Variants in CAMSAP1 observed in about 807,000 individuals in gnomAD.
CAMSAP1 encodes calmodulin-regulated spectrin-associated protein 1.
In CAMSAP1, 58 loss-of-function variants were observed where a neutral mutation model predicts 143.5. The ratio of observed to expected loss-of-function variants is 0.40; its 90% CI spans 0.33 to 0.50. CAMSAP1 has a LOEUF of 0.50. Ranked by LOEUF, CAMSAP1 falls within the 20% of genes least tolerant of loss-of-function variation. The probability of loss-of-function intolerance (pLI) is 0.45; values close to 1 mark genes in which losing one functional copy is unlikely to be tolerated. For synonymous variants in CAMSAP1, 945 were observed against 859.3 expected (o/e 1.10, Z -1.74); for missense variants, 1,969 against 2,115.7 (o/e 0.93, Z 1.36).
Position 135,815,933 on chromosome 9 carries a change from G to A in CAMSAP1, c.4344C>T (p.Thr1448=), listed in dbSNP as rs140850961. The change falls in exon 15 of 17, where the codon ACC becomes ACT. Residue 1448 remains threonine, a synonymous_variant. Transcript: ENST00000389532. ...PSRSTDRDWE[T]ASAASSLASV... is the part of the protein sequence containing the mutation. ...AGGCCAGGGAAGATGCCGCCGACGC[G>A]GTCTCCCAGTCTCGGTCTGTGCTCC... 2.1e-5 allele frequency: 34 copies of A among 1,613,782 alleles called. No homozygotes were observed. The Middle Eastern group carries it at 6.6e-4, about 31-fold the overall frequency.
In CAMSAP1 at chr9:135,819,265, C is replaced by A. The variant is rs13289848; in HGVS notation, c.3823-119G>T. The A allele has an allele frequency of 6.1e-5, 78 of 1,288,546 alleles. No individual in the cohort carries two copies. In the Admixed American group the frequency reaches 1.3e-3, roughly 21 times the overall value. The allele number at this position is 1,288,546 out of a possible 1,614,324, so 79.8% of individuals were successfully genotyped here. A position where few individuals can be genotyped will look rare whatever the true frequency, so the allele number is the denominator to read the frequency against. ...TTAAAAGTTTAACGCATAAAGACTT[C>A]TATGCTTTTCTCTAACCGTTACAGA... On this transcript the variant is annotated intron_variant, in intron 11 of 16. Coordinates refer to ENST00000389532, the MANE Select transcript of CAMSAP1 (RefSeq NM_015447.4).
chr9:135,812,541 GTTTCTT>G (rs1835088944), intron 16 of CAMSAP1, among the ~76,000 whole-genome samples: 1 of 152,074 alleles, frequency 6.6e-6, no homozygotes, highest in African/African-American at 2.4e-5. Context: ...CGGGCGTGGA[GTTTCTT>G]TTTATGAGGA....
At chr9:135,884,284 G>C (rs1301966287) in intron 1 of CAMSAP1, among the ~76,000 whole-genome samples, 1 of 152,120 alleles carries the variant, frequency 6.6e-6, no homozygotes, top group Non-Finnish European at 1.5e-5. Flanking sequence ...CCTGTCTTGT[G>C]TTCCGAGCCA....
intron 7 of CAMSAP1, among the ~76,000 whole-genome samples, chr9:135,829,805 A>G (rs546015319): frequency 2.0e-5 from 3 of 152,146 alleles, no homozygotes; most frequent in East Asian, 1.9e-4. Flanking sequence ...GCGAGCTGAG[A>G]TTGTGCCACT....
At chr9:135,903,506 G>C in intron 1 of CAMSAP1, among the ~76,000 whole-genome samples, 1 of 152,224 alleles carries the variant, frequency 6.6e-6, no homozygotes, top group Non-Finnish European at 1.5e-5. Context: ...CTCGCCAAGG[G>C]CAAGCTCTCC....
At chr9:135,884,332 G>A (rs1288688248) in intron 1 of CAMSAP1, among the ~76,000 whole-genome samples, 8 of 152,116 alleles carry the variant, frequency 5.3e-5, no homozygotes, top group Non-Finnish European at 1.2e-4. Context: ...AGAACCAGCT[G>A]TGGCGATGGT....
At chr9:135,864,500 GA>G (rs1837306074) in intron 4 of CAMSAP1, among the ~76,000 whole-genome samples, 1 of 151,986 alleles carries the variant, frequency 6.6e-6, no homozygotes, top group Admixed American at 6.6e-5. Flanking sequence ...TAATGACACT[GA>G]AGGACACAGG....
chr9:135,814,815 T>C (rs948102788), intron 16 of CAMSAP1, among the ~76,000 whole-genome samples: 1 of 152,246 alleles, frequency 6.6e-6, no homozygotes, highest in East Asian at 1.9e-4. Flanking sequence ...TCTCACTGAG[T>C]AGAACTATGT....
chr9:135,822,011 G>C lies in CAMSAP1; in HGVS notation c.2650C>G (p.Gln884Glu), dbSNP rs1835485253. 1 of 1,612,840 alleles carries C rather than the reference G, an allele frequency of 6.2e-7. No individual in the cohort carries two copies. Among genetic ancestry groups the C allele is most frequent in the Non-Finnish European group, 8.5e-7 (1 of 1,179,666 alleles). The change falls in exon 11 of 17, where the codon CAG (glutamine) becomes GAG (glutamate). Residue 884 changes from glutamine to glutamate, a missense_variant. By Grantham distance (29) the Gln-to-Glu change is conservative (BLOSUM62 2). Transcript: ENST00000389532. The surrounding 1 kb of genome is among the most constrained non-coding windows in gnomAD (Gnocchi z 6.1). ...LASELVQLHMQLEEKRRAIEA... is the reference protein window; with the variant it reads ...LASELVQLHMELEEKRRAIEA... ...ATGGCCCTGCGCTTCTCCTCCAGCT[G>C]CATGTGCAGCTGTACCAGCTCAGAT...
chr9:135,879,450 A>G (rs1013052252), intron 3 of CAMSAP1, among the ~76,000 whole-genome samples: 1 of 152,128 alleles, frequency 6.6e-6, no homozygotes, highest in African/African-American at 2.4e-5. Context: ...TTCACCAGAG[A>G]AGGAGAGTAA....
Position 135,826,693 on chromosome 9 carries a change from T to G in CAMSAP1, c.1223+714A>C, listed in dbSNP as rs1588449911. ...TTAAATCCCAACTTAAATCGCCACA[T>G]GTTAAAAATGTTTCTCCACTTTCGG... On this transcript the variant is annotated intron_variant, in intron 8 of 16. Transcript: ENST00000389532. The surrounding 1 kb of genome is among the most constrained non-coding windows in gnomAD (Gnocchi z 4.4). Among the ~76,000 whole-genome samples, 1 of 152,160 alleles carries G rather than the reference T, an allele frequency of 6.6e-6. No individual in the cohort carries two copies. Among genetic ancestry groups the G allele is most frequent in the African/African-American group, 2.4e-5 (1 of 41,430 alleles).
At chr9:135,839,691 A>G (rs756954175) in intron 7 of CAMSAP1, among the ~76,000 whole-genome samples, 24 of 152,134 alleles carry the variant, frequency 1.6e-4, no homozygotes, top group Non-Finnish European at 2.9e-4. Flanking sequence ...GGCCGAGTGC[A>G]CCCATAAGAC....
chr9:135,825,685 T>C (rs1835648864), intron 8 of CAMSAP1, among the ~76,000 whole-genome samples: 1 of 152,202 alleles, frequency 6.6e-6, no homozygotes, highest in East Asian at 1.9e-4. Flanking sequence ...GCGCTCACAC[T>C]GCAGGGCAGC....
chr9:135,866,399 A>G, intron 4 of CAMSAP1, 57 bp downstream of exon 4: 1 of 868,918 alleles, frequency 1.2e-6, no homozygotes, highest in East Asian at 2.7e-5. Context: ...AGAATTCTTT[A>G]AAATTGGGAC....
intron 11 of CAMSAP1, among the ~76,000 whole-genome samples, chr9:135,819,984 G>A (rs569602954): frequency 6.6e-6 from 1 of 152,272 alleles, no homozygotes; most frequent in East Asian, 1.9e-4. Flanking sequence ...ATTCATAACT[G>A]CCTGGAGGCA....
In CAMSAP1 at chr9:135,818,556, G is replaced by T; in HGVS notation, c.4020C>A (p.Ile1340=). 2 of 1,613,224 alleles carry T rather than the reference G, an allele frequency of 1.2e-6. No individual in the cohort carries two copies. The highest frequency in any genetic ancestry group is 1.7e-6 in the Non-Finnish European group (2 of 1,179,846). ...GCTTCCTCCGCAGGTACTCCTGCTT[G>T]ATGAGCTCGCGCCGCGCCTTCTCCT... ...KEEEKARREL[I]KQEYLRRKQQ... is the part of the protein sequence containing the mutation. The change falls in exon 13 of 17, where the codon ATC becomes ATA. Residue 1340 remains isoleucine (I), a synonymous_variant. Transcript: ENST00000389532. This position sits in a 1 kb window ranked among gnomAD's most constrained non-coding sequence, Gnocchi z 7.7.
intron 1 of CAMSAP1, among the ~76,000 whole-genome samples, chr9:135,904,011 G>A (rs1838692632): frequency 6.6e-6 from 1 of 152,112 alleles, no homozygotes; most frequent in Non-Finnish European, 1.5e-5. Flanking sequence ...CAAGTATTTC[G>A]GTCATCTGAA....
intron 5 of CAMSAP1, among the ~76,000 whole-genome samples, chr9:135,851,162 C>T (rs1230221788): frequency 5.3e-5 from 8 of 152,214 alleles, no homozygotes; most frequent in Admixed American, 5.2e-4. Flanking sequence ...AGACAAAGAG[C>T]CCTGCGGAGA....
At chr9:135,829,771 T>C (rs1835792755) in intron 7 of CAMSAP1, among the ~76,000 whole-genome samples, 1 of 151,962 alleles carries the variant, frequency 6.6e-6, no homozygotes, top group Non-Finnish European at 1.5e-5. Context: ...GAGAATCACT[T>C]GAACCCGTGA....
Sources: allele counts gnomAD v4.1 joint callset (sites outside exome capture counted in the v4.1 genomes callset), GRCh38; gene constraint gnomAD v4.1.1; non-coding constraint Gnocchi (gnomAD v3.1); transcripts MANE v1.5; gene names NCBI Gene and HGNC (gene_info 2026-07-23, HGNC 2026-07-21).